DHRSX: variants seen among roughly 807,000 people sequenced by gnomAD.
The protein encoded by DHRSX is polyprenol dehydrogenase.
In DHRSX, 31 loss-of-function variants were observed where a neutral mutation model predicts 34.0. The ratio of observed to expected loss-of-function variants is 0.91; its 90% confidence interval spans 0.69 to 1.23. The LOEUF (loss-of-function observed/expected upper bound fraction) is 1.23. Among genes scored for constraint, DHRSX ranks in the 50% most tolerant of loss-of-function variants. The probability of loss-of-function intolerance (pLI) is 0.00; values close to 1 mark genes in which losing one functional copy is unlikely to be tolerated. For synonymous variants in DHRSX, 201 were observed against 183.8 expected (o/e 1.09, Z -0.76); for missense variants, 414 against 428.1 (o/e 0.97, Z 0.29).
intron 3 of DHRSX, among the ~76,000 whole-genome samples, chrX:2,305,397 G>A (rs749563471): frequency 4.6e-5 from 7 of 152,214 alleles, no homozygotes; most frequent in African/African-American, 1.7e-4. Flanking sequence ...TGGTGAGAGT[G>A]GAAGTTAGTT....
At position 2,393,396 on chromosome X, in the gene DHRSX, C is replaced by A. The variant is rs754763268; in HGVS notation, c.286+15349G>T. ...CCTGTGCACACACAAGACACAGCGA[C>A]CTCCCCATCTCCTGCGCACACATGA... On this transcript the variant is annotated intron_variant, in intron 3 of 6. Transcript: ENST00000334651. 2.1e-3 allele frequency among the ~76,000 whole-genome samples: 313 copies of A among 152,008 alleles called. 1 individual carries two copies. Among genetic ancestry groups the A allele is most frequent in the African/African-American group, 7.2e-3 (299 of 41,436 alleles).
intron 3 of DHRSX, among the ~76,000 whole-genome samples, chrX:2,300,405 C>G (rs1458495071): frequency 2.6e-5 from 4 of 152,068 alleles, no homozygotes; most frequent in Non-Finnish European, 4.4e-5. Context: ...CGAGTGTCAA[C>G]CTGATTGGAT....
chrX:2,467,487 A>G (rs1465890094), intron 1 of DHRSX, among the ~76,000 whole-genome samples: 1 of 152,128 alleles, frequency 6.6e-6, no homozygotes, highest in African/African-American at 2.4e-5. Flanking sequence ...TGTAACAGGG[A>G]CAACGTGCGG....
chrX:2,494,331 CAT>C (rs2045230213), intron 1 of DHRSX, among the ~76,000 whole-genome samples: 1 of 151,372 alleles, frequency 6.6e-6, no homozygotes, highest in South Asian at 2.1e-4. Flanking sequence ...TTCATTCTAT[CAT>C]TATTATTATT....
intron 4 of DHRSX, among the ~76,000 whole-genome samples, chrX:2,269,817 G>C (rs1235244312): frequency 2.0e-5 from 3 of 152,124 alleles, no homozygotes; most frequent in Non-Finnish European, 4.4e-5. Flanking sequence ...TGGGATTACA[G>C]GCGTGAGACA....
chrX:2,437,595 C>A (rs191122521), intron 1 of DHRSX, among the ~76,000 whole-genome samples: 2 of 133,120 alleles, frequency 1.5e-5, no homozygotes, highest in Admixed American at 1.6e-4. Context: ...CAGAGCAAGA[C>A]CCTGTCTCAA....
intron 3 of DHRSX, among the ~76,000 whole-genome samples, chrX:2,389,041 T>C (rs187612473): frequency 0.046 from 6,978 of 152,242 alleles, 494 homozygotes; most frequent in African/African-American, 0.16. Context: ...TAAGTATCTT[T>C]TGTTTAAACC....
intron 1 of DHRSX, chrX:2,488,882 G>T (rs2045035220): frequency 6.2e-7 from 1 of 1,611,756 alleles, no homozygotes; most frequent in Admixed American, 1.7e-5. Flanking sequence ...GACGCGCGTG[G>T]CCGTCACGCA....
intron 1 of DHRSX, among the ~76,000 whole-genome samples, chrX:2,475,602 G>A (rs2044667607): frequency 6.6e-6 from 1 of 151,142 alleles, no homozygotes; most frequent in South Asian, 2.1e-4. Flanking sequence ...TGTGGCCAAG[G>A]GATCACACTC....
chrX:2,226,751 C>T (rs2015672135), intron 6 of DHRSX, among the ~76,000 whole-genome samples: 1 of 151,394 alleles, frequency 6.6e-6, no homozygotes, highest in Admixed American at 6.6e-5. Flanking sequence ...GCCGAGATGG[C>T]GCCACTGCAC....
intron 1 of DHRSX, among the ~76,000 whole-genome samples, chrX:2,470,242 G>C: frequency 6.6e-6 from 1 of 151,218 alleles, no homozygotes; most frequent in East Asian, 1.9e-4. Context: ...GAAGAATGCT[G>C]AAGTGTTTGT....
At chrX:2,243,901 C>T (rs2016216879) in intron 5 of DHRSX, among the ~76,000 whole-genome samples, 1 of 147,568 alleles carries the variant, frequency 6.8e-6, no homozygotes, top group South Asian at 2.2e-4. Flanking sequence ...TCCAGAGTAG[C>T]TGGGATTACA....
intron 1 of DHRSX, chrX:2,488,835 C>A (rs776217070): frequency 6.2e-7 from 1 of 1,613,700 alleles, no homozygotes; most frequent in Admixed American, 1.7e-5. Context: ...TTGGCGCTGA[C>A]CACGTTGGCG....
chrX:2,462,746 T>C (rs1051326753), intron 1 of DHRSX, among the ~76,000 whole-genome samples: 1 of 152,028 alleles, frequency 6.6e-6, no homozygotes, highest in Non-Finnish European at 1.5e-5. Context: ...ACAGCACTAA[T>C]ATTAACCTTC....
intron 6 of DHRSX, among the ~76,000 whole-genome samples, chrX:2,223,398 C>A (rs1376719469): frequency 5.3e-5 from 8 of 152,180 alleles, no homozygotes; most frequent in Non-Finnish European, 1.2e-4. Context: ...CATTAAGCCT[C>A]TTTCCTCTAT....
intron 5 of DHRSX, among the ~76,000 whole-genome samples, chrX:2,253,979 T>G (rs2016502346): frequency 6.6e-6 from 1 of 151,900 alleles, no homozygotes; most frequent in Non-Finnish European, 1.5e-5. Context: ...GAGAATGGCG[T>G]GAACCCGGAA....
intron 6 of DHRSX, among the ~76,000 whole-genome samples, chrX:2,241,451 C>T (rs1184935707): frequency 1.3e-5 from 2 of 152,088 alleles, no homozygotes; most frequent in Non-Finnish European, 1.5e-5. Flanking sequence ...GAAGTCTGGA[C>T]ATGTCAAAGA....
At chrX:2,448,865 A>G (rs1401361729) in intron 1 of DHRSX, among the ~76,000 whole-genome samples, 4 of 152,140 alleles carry the variant, frequency 2.6e-5, no homozygotes, top group African/African-American at 9.7e-5. Flanking sequence ...CAAGTTTCCA[A>G]GGAAAGGATT....
chrX:2,394,957 T>C (rs1320557583), intron 3 of DHRSX, among the ~76,000 whole-genome samples: 2 of 150,188 alleles, frequency 1.3e-5, no homozygotes, highest in East Asian at 3.9e-4. Context: ...GCATTACAGG[T>C]GATGGAGGGA....
Sources: gnomAD v4.1 joint callset for allele counts (sites outside exome capture counted in the v4.1 genomes callset) on GRCh38, gnomAD v4.1.1 for gene constraint, MANE v1.5 for transcripts, NCBI Gene and HGNC (gene_info 2026-07-23, HGNC 2026-07-21) for gene names.